The following TBC1D16 variants were observed in gnomAD, a reference collection of about 807,000 sequenced individuals.
TBC1D16 encodes TBC1 domain family member 16, also known as CTD-2529O21.1.
Under a neutral mutation model 74.7 loss-of-function variants are expected in TBC1D16, and 58 were observed. That is an observed-to-expected ratio of 0.78 (90% CI 0.63 to 0.97). TBC1D16 has a LOEUF of 0.97. TBC1D16 is among the 50% of genes least tolerant of loss of function. The pLI, the probability that TBC1D16 is intolerant of heterozygous loss-of-function variation, is 0.00. For synonymous variants in TBC1D16, 493 were observed against 474.7 expected, an observed-to-expected ratio of 1.04 and a Z score of -0.50; for missense variants, 1,014 against 1,079.5, an observed-to-expected ratio of 0.94 and a Z score of 0.85.
In TBC1D16 at chr17:79,961,724, G is replaced by A. The variant is rs558371896; in HGVS notation, c.780-8906C>T. Among the ~76,000 whole-genome samples the A allele has an allele frequency of 3.2e-4, 48 of 152,186 alleles. No individual in the cohort carries two copies. Among genetic ancestry groups the A allele is most frequent in the Admixed American group, 1.0e-3 (16 of 15,286 alleles). On this transcript the variant is annotated intron_variant, in intron 3 of 11. Coordinates refer to ENST00000310924, the MANE Select transcript of TBC1D16 (RefSeq NM_019020.4). This position sits in a 1 kb window ranked among gnomAD's most constrained non-coding sequence, Gnocchi z 4.8. ...CAAAAATACAAAAAATCAGCCAGAC[G>A]TGGTGGCGGGCGCCTATAATCCCAG...
intron 3 of TBC1D16, among the ~76,000 whole-genome samples, chr17:80,005,271 G>GA (rs1435304631): frequency 3.9e-5 from 6 of 152,134 alleles, no homozygotes; most frequent in Admixed American, 6.5e-5. Flanking sequence ...TTTTGGTAGA[G>GA]ACGGGGTCTC....
At chr17:79,999,618 C>T (rs2035409809) in intron 3 of TBC1D16, among the ~76,000 whole-genome samples, 1 of 122,690 alleles carries the variant, frequency 8.2e-6, no homozygotes, top group South Asian at 2.9e-4. Context: ...TCTCGGCTCA[C>T]TGCAACCTCC....
rs149663131 is a variant in TBC1D16 at position 79,938,178 on chromosome 17, G to C, written c.*2681C>G. ...TTTCCTCTAATTGCATCCAGATTAA[G>C]GGAGTTGTGGAGGGGCGGGGCTTCT... On this transcript the variant is annotated 3_prime_UTR_variant, in exon 12 of 12. Coordinates refer to ENST00000310924, the MANE Select transcript of TBC1D16 (RefSeq NM_019020.4). 161 of 152,346 alleles carry C rather than the reference G, an allele frequency of 1.1e-3. No homozygotes were observed. Among genetic ancestry groups the C allele is most frequent in the African/African-American group, 3.7e-3 (152 of 41,580 alleles). 9.4% of individuals were successfully genotyped at this position (152,346 alleles called of 1,614,324 possible).
intron 10 of TBC1D16, 82 bp from the exon 11 acceptor site, chr17:79,942,288 G>C (rs1300340640): frequency 8.4e-6 from 12 of 1,421,610 alleles, no homozygotes; most frequent in East Asian, 7.5e-5. Context: ...GTGCCAGGGT[G>C]CGAGTGAGGG....
chr17:80,005,300 GT>G (rs1211991684), intron 3 of TBC1D16, among the ~76,000 whole-genome samples: 2 of 152,202 alleles, frequency 1.3e-5, no homozygotes, highest in Non-Finnish European at 2.9e-5. Context: ...GCCCAGGCTT[GT>G]TTCAGTTCTT....
rs934431068 is a variant in TBC1D16, at chr17:79,942,245, G to T, written c.1909-39C>A. ...TAGAGTTCAGACACGGGCTCTGACC[G>T]AGCCCCAGGCCCTGCACTCAGGGGG... On this transcript the variant is annotated intron_variant, in intron 10 of 11. Coordinates refer to ENST00000310924, the MANE Select transcript of TBC1D16 (RefSeq NM_019020.4). 7 of 1,553,850 alleles carry T rather than the reference G, an allele frequency of 4.5e-6. No homozygotes were observed. The East Asian group carries it at 1.7e-4, about 37-fold the overall frequency.
At chr17:79,966,196 T>C (rs975430941) in intron 3 of TBC1D16, among the ~76,000 whole-genome samples, 3 of 152,208 alleles carry the variant, frequency 2.0e-5, no homozygotes, top group African/African-American at 7.2e-5. Flanking sequence ...TTCTTCCCTC[T>C]GTATATGGGT....
rs759593097 is a variant in TBC1D16 at position 80,010,559 on chromosome 17, G to T, written c.380C>A (p.Pro127Gln). The T allele has an allele frequency of 1.2e-6, 2 of 1,604,942 alleles. No homozygotes were observed. Among genetic ancestry groups the T allele is most frequent in the Admixed American group, 1.7e-5 (1 of 57,860 alleles). ...RSSGASHQPSPTELRPTLTPK... is the reference protein window; with the variant it reads ...RSSGASHQPSQTELRPTLTPK... ...GGTCAGGGTAGGCCGCAGCTCCGTC[G>T]GGGAGGGCTGGTGGGAGGCTCCTGA... Residue 127 changes from proline to glutamine, a missense_variant, in exon 3 of 12, where the codon CCG becomes CAG. Physicochemically the swap from Pro to Gln is moderately conservative, Grantham distance 76 (BLOSUM62 -1). Coordinates refer to ENST00000310924, the MANE Select transcript of TBC1D16 (RefSeq NM_019020.4). This position sits in a 1 kb window ranked among gnomAD's most constrained non-coding sequence, Gnocchi z 8.8.
chr17:79,948,786 C>G, intron 8 of TBC1D16, 86 bp downstream of exon 8: 1 of 1,566,020 alleles, frequency 6.4e-7, no homozygotes, highest in Non-Finnish European at 8.8e-7. Flanking sequence ...TGCAGAAACT[C>G]GCTGGGGGCT....
intron 7 of TBC1D16, 134 bp downstream of exon 7, chr17:79,949,583 G>C: frequency 8.6e-7 from 1 of 1,167,994 alleles, no homozygotes; most frequent in Non-Finnish European, 1.2e-6. Context: ...CACGTTCCTG[G>C]GAGACCCATT....
intron 3 of TBC1D16, among the ~76,000 whole-genome samples, chr17:79,970,693 G>T (rs765165433): frequency 6.6e-6 from 1 of 152,190 alleles, no homozygotes; most frequent in Admixed American, 6.5e-5. Context: ...AGGTGGAGGG[G>T]CTGGGCACGG....
chr17:80,001,049 C>T lies in TBC1D16; in HGVS notation c.779+9111G>A, dbSNP rs1369273950. 2.0e-5 allele frequency among the ~76,000 whole-genome samples: 3 copies of T among 152,214 alleles called. No homozygotes were observed. Among genetic ancestry groups the T allele is most frequent in the Non-Finnish European group, 2.9e-5 (2 of 68,044 alleles). ...GGCAGCCAGGGAGGGGACCAGTGCT[C>T]GGCTGGGCGCCTGCTTGGCTTCTCC... is the stretch of plus-strand genomic sequence containing the variant. On this transcript the variant is annotated intron_variant, in intron 3 of 11. Coordinates refer to ENST00000310924, the MANE Select transcript of TBC1D16 (RefSeq NM_019020.4). The surrounding 1 kb of genome is among the most constrained non-coding windows in gnomAD (Gnocchi z 5.8).
chr17:79,955,422 GA>G (rs1476800444), intron 3 of TBC1D16, among the ~76,000 whole-genome samples: 1 of 152,158 alleles, frequency 6.6e-6, no homozygotes, highest in Non-Finnish European at 1.5e-5. Context: ...TGCCTGAAGT[GA>G]AAATGTAAAG....
intron 3 of TBC1D16, among the ~76,000 whole-genome samples, chr17:79,953,577 G>C (rs191443088): frequency 6.6e-6 from 1 of 152,310 alleles, no homozygotes; most frequent in South Asian, 2.1e-4. Context: ...GCTGAGATTA[G>C]AACCCAAGCT....
intron 1 of TBC1D16, among the ~76,000 whole-genome samples, chr17:80,024,795 C>A (rs2036489153): frequency 6.7e-6 from 1 of 148,152 alleles, no homozygotes; most frequent in African/African-American, 2.6e-5. Context: ...CCACACACTA[C>A]AAACCATAGG....
chr17:80,026,906 T>C lies in TBC1D16; in HGVS notation c.-63+8889A>G, dbSNP rs576024545. Among the ~76,000 whole-genome samples the C allele has an allele frequency of 9.5e-4, 142 of 149,250 alleles. 20 individuals are homozygous for C. Among genetic ancestry groups the C allele is most frequent in the African/African-American group, 3.5e-3 (137 of 38,794 alleles). ...AGGTTCCCTTCTGCGGGCCTGGGGC[T>C]CTTCCTAGGGGCCAGATGCCTTCTC... On this transcript the variant is annotated intron_variant, in intron 1 of 11. Coordinates refer to ENST00000310924, the MANE Select transcript of TBC1D16 (RefSeq NM_019020.4).
Position 79,950,009 on chromosome 17 carries a change from C to G in TBC1D16, c.1258-144G>C. 1 of 1,080,504 alleles carries G rather than the reference C, an allele frequency of 9.3e-7. No individual in the cohort carries two copies. The highest frequency in any genetic ancestry group is 1.3e-6 in the Non-Finnish European group (1 of 765,044). 66.9% of individuals were successfully genotyped at this position (1,080,504 alleles called of 1,614,324 possible). On this transcript the variant is annotated intron_variant, in intron 6 of 11. Transcript: ENST00000310924. The surrounding 1 kb of genome is among the most constrained non-coding windows in gnomAD (Gnocchi z 4.6). Reference sequence around the variant, plus strand: ...TTTGCACATATTTACAAGGGGAAAGCAGTGGCCTTCAATTCCCATACAGGA... The same window carrying G: ...TTTGCACATATTTACAAGGGGAAAGGAGTGGCCTTCAATTCCCATACAGGA...
In TBC1D16 at chr17:79,944,120, T is replaced by A; in HGVS notation, c.1908+788A>T. 6.5e-7 allele frequency: 1 copy of A among 1,535,914 alleles called. No individual in the cohort carries two copies. On this transcript the variant is annotated intron_variant, in intron 10 of 11. Coordinates refer to ENST00000310924, the MANE Select transcript of TBC1D16 (RefSeq NM_019020.4). The surrounding 1 kb of genome is among the most constrained non-coding windows in gnomAD (Gnocchi z 7.7). ...AGACATCAGCCCCCTGCGGTGTGAG[T>A]GAGGACAGGAGACGCTGACGCAAAT...
At chr17:79,969,380 C>T (rs2033980498) in intron 3 of TBC1D16, among the ~76,000 whole-genome samples, 1 of 152,134 alleles carries the variant, frequency 6.6e-6, no homozygotes, top group Admixed American at 6.5e-5. Flanking sequence ...AGTGAGACTC[C>T]ATCTCAAAAC....
Sources: gnomAD v4.1 joint callset for allele counts (sites outside exome capture counted in the v4.1 genomes callset) on GRCh38, gnomAD v4.1.1 for gene constraint, Gnocchi (gnomAD v3.1) non-coding constraint, MANE v1.5 for transcripts, NCBI Gene and HGNC (gene_info 2026-07-23, HGNC 2026-07-21) for gene names.